Variants in PLAAT3 observed in about 807,000 individuals in gnomAD.
PLAAT3 encodes phospholipase A and acyltransferase 3, also known as Ca-independent phospholipase A1/2.
PLAAT3 carries 21 observed loss-of-function variants against 16.7 expected under a neutral mutation model. The ratio of observed to expected loss-of-function variants is 1.26; its 90% CI spans 0.89 to 1.81. The LOEUF (loss-of-function observed/expected upper bound fraction) is 1.81. Ranked by LOEUF, PLAAT3 falls within the 40% of genes most tolerant of loss-of-function variation. PLAAT3 has a pLI of 0.00. For synonymous variants in PLAAT3, 76 were observed against 81.7 expected (o/e 0.93, Z 0.38); for missense variants, 219 against 213.7 (o/e 1.02, Z -0.16).
intron 4 of PLAAT3, among the ~76,000 whole-genome samples, chr11:63,576,009 T>C (rs2017654472): frequency 6.6e-6 from 1 of 152,108 alleles, no homozygotes; most frequent in African/African-American, 2.4e-5. Flanking sequence ...AATGTGGGTA[T>C]CATACCACAA....
intron 4 of PLAAT3, among the ~76,000 whole-genome samples, chr11:63,584,095 T>A (rs1445401328): frequency 6.6e-6 from 1 of 152,172 alleles, no homozygotes; most frequent in African/African-American, 2.4e-5. Flanking sequence ...CAAAAAATAA[T>A]AAATCATTTA....
intron 2 of PLAAT3, among the ~76,000 whole-genome samples, chr11:63,599,560 C>T (rs184128987): frequency 6.6e-6 from 1 of 152,288 alleles, no homozygotes; most frequent in African/African-American, 2.4e-5. Flanking sequence ...AAACAGGTAG[C>T]ATGTGTGGCA....
At chr11:63,606,621 G>A (rs983618350) in intron 2 of PLAAT3, among the ~76,000 whole-genome samples, 1 of 152,228 alleles carries the variant, frequency 6.6e-6, no homozygotes, top group Non-Finnish European at 1.5e-5. Flanking sequence ...TCCCAGAGCA[G>A]CGAGCTGGAG....
chr11:63,614,252 C>A, intron 1 of PLAAT3, 133 bp downstream of exon 1: 1 of 584,758 alleles, frequency 1.7e-6, no homozygotes, highest in South Asian at 2.1e-5. Flanking sequence ...GCTGCAGGTG[C>A]CAGCGGGCGG....
At chr11:63,615,034 A>ATATATATATATATG (rs1490480530), upstream of PLAAT3, among the ~76,000 whole-genome samples, 4,604 of 27,978 alleles carry the variant, frequency 0.16, 1,001 homozygotes, top group South Asian at 0.36. Flanking sequence ...ATATGTGTGT[A>ATATATATATATATG]TATATATGTA....
intron 4 of PLAAT3, among the ~76,000 whole-genome samples, chr11:63,581,972 G>A (rs1002212876): frequency 6.6e-6 from 1 of 152,224 alleles, no homozygotes; most frequent in African/African-American, 2.4e-5. Flanking sequence ...TCAATGCTTT[G>A]ATTTTAGCCC....
intron 2 of PLAAT3, among the ~76,000 whole-genome samples, chr11:63,607,177 G>C (rs566182812): frequency 3.3e-4 from 50 of 152,344 alleles, no homozygotes; most frequent in African/African-American, 1.2e-3. Flanking sequence ...GCGGGATGGG[G>C]CTGTTTAGAG....
intron 2 of PLAAT3, among the ~76,000 whole-genome samples, chr11:63,612,134 A>G (rs1021048830): frequency 1.3e-5 from 2 of 152,166 alleles, no homozygotes; most frequent in African/African-American, 4.8e-5. Flanking sequence ...GTGAAACTCC[A>G]TCTCAAAAAA....
intron 2 of PLAAT3, among the ~76,000 whole-genome samples, chr11:63,609,888 A>G (rs952860954): frequency 6.6e-5 from 10 of 152,052 alleles, no homozygotes; most frequent in African/African-American, 1.9e-4. Flanking sequence ...GGCAAACCTC[A>G]CCTTCTGGTG....
chr11:63,613,637 G>A lies in PLAAT3; in HGVS notation c.15+363C>T, dbSNP rs570125293. Among the ~76,000 whole-genome samples the A allele has an allele frequency of 4.6e-5, 7 of 152,320 alleles. No homozygotes were observed. In the East Asian group the frequency reaches 1.4e-3, roughly 30 times the overall value. On this transcript the variant is annotated intron_variant, in intron 2 of 4. Coordinates refer to ENST00000415826, the MANE Select transcript of PLAAT3 (RefSeq NM_001128203.2). Reference sequence around the variant, plus strand: ...ACTCCGCTGGCAGGGCTGGTCATGGGATGAGTCAGCTGACATAGCCCCCAA... The same window carrying A: ...ACTCCGCTGGCAGGGCTGGTCATGGAATGAGTCAGCTGACATAGCCCCCAA...
intron 2 of PLAAT3, among the ~76,000 whole-genome samples, chr11:63,601,619 T>C (rs1280523346): frequency 2.0e-5 from 3 of 152,302 alleles, no homozygotes; most frequent in African/African-American, 7.2e-5. Flanking sequence ...TGGATATCTT[T>C]AAAAGACACT....
intron 4 of PLAAT3, among the ~76,000 whole-genome samples, chr11:63,581,201 C>A (rs561622048): frequency 2.6e-5 from 4 of 152,240 alleles, no homozygotes; most frequent in Non-Finnish European, 5.9e-5. Flanking sequence ...AGAATAACAG[C>A]GATTTTCAGG....
chr11:63,581,252 G>T (rs1937806248), intron 4 of PLAAT3, among the ~76,000 whole-genome samples: 1 of 152,304 alleles, frequency 6.6e-6, no homozygotes, highest in South Asian at 2.1e-4. Context: ...TGCCTGCGGG[G>T]TCGGGCAGAA....
At chr11:63,586,664 A>G (rs1478793964) in intron 4 of PLAAT3, among the ~76,000 whole-genome samples, 10 of 152,198 alleles carry the variant, frequency 6.6e-5, no homozygotes, top group African/African-American at 2.4e-4. Context: ...AAGATCACCA[A>G]TGATGAAACT....
At chr11:63,579,424 G>A (rs376412217) in intron 4 of PLAAT3, among the ~76,000 whole-genome samples, 6 of 152,012 alleles carry the variant, frequency 3.9e-5, no homozygotes, top group South Asian at 2.1e-4. Context: ...ACATGCACAC[G>A]TATGTTTATT....
At chr11:63,605,100 G>T (rs1045300008) in intron 2 of PLAAT3, among the ~76,000 whole-genome samples, 2 of 151,910 alleles carry the variant, frequency 1.3e-5, no homozygotes, top group Admixed American at 6.6e-5. Flanking sequence ...ATTTTCAAAC[G>T]TTCAAAATTG....
intron 3 of PLAAT3, among the ~76,000 whole-genome samples, chr11:63,591,454 G>A (rs1246797909): frequency 6.6e-6 from 1 of 152,168 alleles, no homozygotes; most frequent in African/African-American, 2.4e-5. Flanking sequence ...GCATGTCAAA[G>A]GAGGTTCACT....
At chr11:63,612,836 G>T (rs1385898495) in intron 2 of PLAAT3, among the ~76,000 whole-genome samples, 1 of 151,794 alleles carries the variant, frequency 6.6e-6, no homozygotes, top group East Asian at 1.9e-4. Flanking sequence ...TTACTGTCAT[G>T]ATTACATATA....
chr11:63,607,348 G>A (rs1938593001), intron 2 of PLAAT3, among the ~76,000 whole-genome samples: 1 of 152,128 alleles, frequency 6.6e-6, no homozygotes, highest in South Asian at 2.1e-4. Flanking sequence ...GAGAGTTGGA[G>A]GCAAAAGCCT....
Sources: allele counts gnomAD v4.1 joint callset (sites outside exome capture counted in the v4.1 genomes callset), GRCh38; gene constraint gnomAD v4.1.1; transcripts MANE v1.5; gene names NCBI Gene and HGNC (gene_info 2026-07-23, HGNC 2026-07-21).